Variants in IQCH observed in about 807,000 individuals in gnomAD.
IQCH encodes IQ motif containing H.
A neutral mutation model predicts 117.0 loss-of-function variants in IQCH; 98 were observed. The observed-to-expected ratio is 0.84, with a 90% confidence interval of 0.71 to 0.99. The LOEUF is 0.99. Ranked by LOEUF, IQCH falls within the 50% of genes least tolerant of loss-of-function variation. The pLI, the probability that IQCH is intolerant of heterozygous loss-of-function variation, is 0.00. For missense variants in IQCH, 1,102 were observed against 1,243.8 expected (o/e 0.89, Z 1.72); for synonymous variants, 412 against 448.2 (o/e 0.92, Z 1.02).
chr15:67,255,988 ACTCACTACCTG>A (rs1247828367), intron 1 of IQCH, among the ~76,000 whole-genome samples: 1 of 151,946 alleles, frequency 6.6e-6, no homozygotes, highest in East Asian at 1.9e-4. Flanking sequence ...TAACTTCAAC[ACTCACTACCTG>A]CAAGTTCAGG....
rs2082442013 is a variant in IQCH, at chr15:67,448,481, T to G, written c.2506-16646T>G. 4.0e-5 allele frequency among the ~76,000 whole-genome samples: 6 copies of G among 150,606 alleles called. No individual in the cohort carries two copies. The Admixed American group carries it at 4.0e-4, about 10-fold the overall frequency. ...TGAGTGAGAACATGCAGTGTTTGGT[T>G]TTTTGTCCTTGCGATAGTTTGATGA... On this transcript the variant is annotated intron_variant, in intron 16 of 20. Coordinates refer to ENST00000335894, the MANE Select transcript of IQCH (RefSeq NM_001031715.3).
rs1971082587 is a variant in IQCH, at chr15:67,385,562, T to C, written c.1456+543T>C. Among the ~76,000 whole-genome samples, 1 of 152,210 alleles carries C rather than the reference T, an allele frequency of 6.6e-6. No homozygotes were observed. The highest frequency in any genetic ancestry group is 2.4e-5 in the African/African-American group (1 of 41,454). On this transcript the variant is annotated intron_variant, in intron 11 of 20. Transcript: ENST00000335894. This position sits in a 1 kb window ranked among gnomAD's most constrained non-coding sequence, Gnocchi z 4.6. The stretch of plus-strand genomic sequence containing the variant: ...AGAAATACAGACCTTGATTCAGTGA[T>C]GTATACATCTTTGTAAAAGTCAGGT...
chr15:67,314,598 T>G (rs1363786783), intron 4 of IQCH, among the ~76,000 whole-genome samples: 1 of 152,168 alleles, frequency 6.6e-6, no homozygotes, highest in African/African-American at 2.4e-5. Flanking sequence ...AAATTGTTCT[T>G]ATTTAAAATA....
intron 4 of IQCH, among the ~76,000 whole-genome samples, chr15:67,322,345 T>C (rs1968174586): frequency 6.6e-6 from 1 of 152,232 alleles, no homozygotes; most frequent in Non-Finnish European, 1.5e-5. Flanking sequence ...ATATCAGTCT[T>C]TTCTGTTGTT....
chr15:67,278,904 A>G (rs1281948679), intron 3 of IQCH, among the ~76,000 whole-genome samples: 3 of 152,328 alleles, frequency 2.0e-5, no homozygotes, highest in East Asian at 1.9e-4. Flanking sequence ...CCATGGAACT[A>G]TCCACTGCTT....
intron 10 of IQCH, among the ~76,000 whole-genome samples, chr15:67,382,038 G>A (rs185197502): frequency 1.9e-3 from 289 of 152,104 alleles, no homozygotes; most frequent in African/African-American, 4.1e-3. Context: ...TGTTTCATTC[G>A]TTTATTTGAC....
At chr15:67,285,111 CA>C (rs1364903325) in intron 4 of IQCH, among the ~76,000 whole-genome samples, 1 of 152,190 alleles carries the variant, frequency 6.6e-6, no homozygotes, top group East Asian at 1.9e-4. Context: ...GCAACCTCGC[CA>C]GCATCTGTTG....
At position 67,417,575 on chromosome 15, in the gene IQCH, G is replaced by A. The variant is rs373855123; in HGVS notation, c.2218+524G>A. 5.9e-5 allele frequency among the ~76,000 whole-genome samples: 9 copies of A among 152,258 alleles called. No individual in the cohort carries two copies. In the East Asian group the frequency reaches 1.7e-3, roughly 29 times the overall value. On this transcript the variant is annotated intron_variant, in intron 15 of 20. Transcript: ENST00000335894. The surrounding 1 kb of genome is among the most constrained non-coding windows in gnomAD (Gnocchi z 4.3). ...CTGAATATAGCATTTCCAAACAAGG[G>A]TTTTCTACAATCCAGGAACAAAGCG...
intron 20 of IQCH, among the ~76,000 whole-genome samples, chr15:67,498,309 C>CAT (rs1242655174): frequency 2.0e-5 from 3 of 152,080 alleles, no homozygotes; most frequent in African/African-American, 7.2e-5. Context: ...TGCCTCACAT[C>CAT]ATATATAAAA....
chr15:67,460,479 C>G (rs187639759), intron 16 of IQCH, among the ~76,000 whole-genome samples: 49 of 152,326 alleles, frequency 3.2e-4, no homozygotes, highest in Admixed American at 5.9e-4. Context: ...CTAATTATAT[C>G]AGACTATCCC....
Position 67,388,830 on chromosome 15 carries a change from G to A in IQCH, c.1457-1G>A. The A allele has an allele frequency of 6.2e-7, 1 of 1,611,742 alleles. No homozygotes were observed. The highest frequency in any genetic ancestry group is 8.5e-7 in the Non-Finnish European group (1 of 1,178,264). ...ATTAACATTGTGCCTGTTGTTTTTA[G>A]ATGCCAATGTGAATGTCATCTACAT... On this transcript the variant is annotated splice_acceptor_variant, in intron 11 of 20. Coordinates refer to ENST00000335894, the MANE Select transcript of IQCH (RefSeq NM_001031715.3). LOFTEE classifies it high-confidence loss of function. This position sits in a 1 kb window ranked among gnomAD's most constrained non-coding sequence, Gnocchi z 5.5.
At chr15:67,296,501 G>A (rs570826472) in intron 4 of IQCH, among the ~76,000 whole-genome samples, 2 of 152,222 alleles carry the variant, frequency 1.3e-5, no homozygotes, top group East Asian at 3.9e-4. Flanking sequence ...GGTGAGAGAC[G>A]TATTGGATTC....
chr15:67,299,329 T>C (rs1045661232), intron 4 of IQCH, among the ~76,000 whole-genome samples: 2 of 151,890 alleles, frequency 1.3e-5, no homozygotes, highest in African/African-American at 4.8e-5. Flanking sequence ...AAAAATATAG[T>C]TAAATAGAAT....
At chr15:67,278,136 C>G (rs1321181169) in intron 3 of IQCH, among the ~76,000 whole-genome samples, 1 of 152,232 alleles carries the variant, frequency 6.6e-6, no homozygotes, top group African/African-American at 2.4e-5. Flanking sequence ...AATTGCCCTT[C>G]TCCAGCTCAG....
At position 67,354,738 on chromosome 15, in the gene IQCH, G is replaced by A. The variant is rs763490722; in HGVS notation, c.638-2607G>A. ...GCCTAAACAATGAAGAATTTGTCTC[G>A]TACACAAGAAATTGGGAAGTGAGGA... On this transcript the variant is annotated intron_variant, in intron 6 of 20. Transcript: ENST00000335894. Among the ~76,000 whole-genome samples the A allele has an allele frequency of 1.3e-4, 20 of 152,142 alleles. No homozygotes were observed. The South Asian group carries it at 2.3e-3, about 17-fold the overall frequency.
At chr15:67,350,436 G>GT (rs1034461667) in intron 6 of IQCH, among the ~76,000 whole-genome samples, 2 of 152,006 alleles carry the variant, frequency 1.3e-5, no homozygotes, top group African/African-American at 4.8e-5. Context: ...TTTTGTTTTT[G>GT]TTTTTTTGAG....
rs1316931486 is a variant in IQCH, at chr15:67,482,040, A to G, written c.2799+6222A>G. Among the ~76,000 whole-genome samples, 13 of 152,370 alleles carry G rather than the reference A, an allele frequency of 8.5e-5. No homozygotes were observed. In the South Asian group the frequency reaches 1.9e-3, roughly 22 times the overall value. On this transcript the variant is annotated intron_variant, in intron 18 of 20. Coordinates refer to ENST00000335894, the MANE Select transcript of IQCH (RefSeq NM_001031715.3). ...GGAGTTCAAGACCAGCCTGGGCAACATGGCAAGATCCCATCTCTTAAAAAA... is the reference window on the plus strand; with the variant it reads ...GGAGTTCAAGACCAGCCTGGGCAACGTGGCAAGATCCCATCTCTTAAAAAA...
intron 8 of IQCH, among the ~76,000 whole-genome samples, chr15:67,371,895 G>C (rs906807581): frequency 6.6e-6 from 1 of 152,242 alleles, no homozygotes; most frequent in East Asian, 1.9e-4. Flanking sequence ...AATGTTAATA[G>C]ATTTGAGTGA....
At chr15:67,367,421 T>C (rs1385612514) in intron 8 of IQCH, among the ~76,000 whole-genome samples, 1 of 151,964 alleles carries the variant, frequency 6.6e-6, no homozygotes, top group African/African-American at 2.4e-5. Flanking sequence ...TGCCAGTAGT[T>C]CCACCTACTC....
Sources: gnomAD v4.1 joint callset for allele counts (sites outside exome capture counted in the v4.1 genomes callset) on GRCh38, gnomAD v4.1.1 for gene constraint, Gnocchi (gnomAD v3.1) non-coding constraint, MANE v1.5 for transcripts, NCBI Gene and HGNC (gene_info 2026-07-23, HGNC 2026-07-21) for gene names.